The following ABCC6 variants were observed in gnomAD, a reference collection of about 807,000 sequenced individuals.
ABCC6 encodes ATP-binding cassette sub-family C member 6.
In ABCC6, 126 loss-of-function variants were observed where a neutral mutation model predicts 169.5. That is an observed-to-expected ratio of 0.74 (90% CI 0.64 to 0.86). The LOEUF (loss-of-function observed/expected upper bound fraction) is 0.86. ABCC6 is among the 40% of genes least tolerant of loss of function. The pLI, the probability that ABCC6 is intolerant of heterozygous loss-of-function variation, is 0.00. For synonymous variants in ABCC6, 752 were observed against 814.7 expected, an observed-to-expected ratio of 0.92 and a Z score of 1.31; for missense variants, 1,733 against 1,927.2, an observed-to-expected ratio of 0.90 and a Z score of 1.89.
Position 16,182,884 on chromosome 16 carries a change from G to A in ABCC6, c.1990C>T (p.Pro664Ser), listed in dbSNP as rs59002125. Residue 664 changes from proline to serine, a missense_variant, in exon 16 of 31, where the codon CCA becomes TCA. Coordinates refer to ENST00000205557, the MANE Select transcript of ABCC6 (RefSeq NM_001171.6). ...PQGCLLAVVGPVGAGKSSLLS... is the reference protein window; with the variant it reads ...PQGCLLAVVGSVGAGKSSLLS... ...AGGGAGGACTTCCCTGCCCCCACTG[G>A]ACCGACAACAGCCAGCAGACAGCCC... is the stretch of plus-strand genomic sequence containing the variant. The A allele has an allele frequency of 2.1e-4, 333 of 1,613,976 alleles. No homozygotes were observed. The East Asian group carries it at 3.0e-3, about 14-fold the overall frequency.
In ABCC6 at chr16:16,192,922, G is replaced by A. The variant is rs751934523; in HGVS notation, c.1339C>T (p.Leu447Phe). ...GCAGTGAGGGCGGAGGGCCCCAGGAGCTGGGGATAGAAGGGGCAGGATGTC... is the reference window on the plus strand; with the variant it reads ...GCAGTGAGGGCGGAGGGCCCCAGGAACTGGGGATAGAAGGGGCAGGATGTC... ...IVVCFVYLWQ[L>F]LGPSALTAIA... The change falls in exon 11 of 31, where the codon CTC (leucine) becomes TTC (phenylalanine). Residue 447 changes from leucine to phenylalanine, a missense_variant and splice_region_variant. This residue lies in a region of ABCC6 where 1,601 missense variants were observed against 1,635.5 expected (regional missense o/e 0.98). Coordinates refer to ENST00000205557, the MANE Select transcript of ABCC6 (RefSeq NM_001171.6). 1.2e-6 allele frequency: 2 copies of A among 1,613,832 alleles called. No homozygotes were observed. The highest frequency in any genetic ancestry group is 1.7e-5 in the Admixed American group (1 of 60,020).
intron 7 of ABCC6, among the ~76,000 whole-genome samples, chr16:16,205,176 C>G (rs1365992247): frequency 3.3e-5 from 5 of 152,058 alleles, no homozygotes; most frequent in Non-Finnish European, 7.3e-5. Context: ...ATCTGTGACC[C>G]GGGGCCACGT....
intron 13 of ABCC6, among the ~76,000 whole-genome samples, chr16:16,187,925 A>C (rs2047705676): frequency 6.7e-6 from 1 of 149,564 alleles, no homozygotes; most frequent in Admixed American, 6.7e-5. Flanking sequence ...ATAAATAAAT[A>C]AATAAATAAA....
intron 14 of ABCC6, among the ~76,000 whole-genome samples, chr16:16,185,938 T>G (rs192383789): frequency 3.3e-5 from 5 of 152,318 alleles, no homozygotes; most frequent in Admixed American, 3.3e-4. Flanking sequence ...CCCAGATCAA[T>G]TAAATTCATC....
At chr16:16,161,604 A>G in intron 24 of ABCC6, 40 bp from the exon 25 acceptor site, 1 of 1,612,330 alleles carries the variant, frequency 6.2e-7, no homozygotes, top group South Asian at 1.1e-5. Flanking sequence ...GGTTACTCTC[A>G]TCTGCAGGGA....
chr16:16,150,578 C>A lies in ABCC6; in HGVS notation c.4403G>T (p.Arg1468Leu), dbSNP rs761098006. 1 of 1,607,668 alleles carries A rather than the reference C, an allele frequency of 6.2e-7. No homozygotes were observed. Among genetic ancestry groups the A allele is most frequent in the Non-Finnish European group, 8.5e-7 (1 of 1,175,680 alleles). ...HRLRSVMDCA[R>L]VLVMDKGQVA... is the part of the protein sequence containing the mutation. Reference sequence around the variant, plus strand: ...GGTCAGGCCGGGGCGGGAGCCTTACCGGGCACAGTCCATCACGGAGCGCAG... The same window carrying A: ...GGTCAGGCCGGGGCGGGAGCCTTACAGGGCACAGTCCATCACGGAGCGCAG... Residue 1468 changes from arginine to leucine, a missense_variant and splice_region_variant, in exon 30 of 31, where the codon CGG becomes CTG. Transcript: ENST00000205557.
intron 10 of ABCC6, among the ~76,000 whole-genome samples, chr16:16,196,337 A>C (rs903257039): frequency 5.3e-5 from 8 of 152,214 alleles, no homozygotes; most frequent in African/African-American, 1.4e-4. Flanking sequence ...AGTATGGTCT[A>C]CAGCCACTTC....
intron 15 of ABCC6, 89 bp downstream of exon 15, chr16:16,184,870 A>G: frequency 7.1e-7 from 1 of 1,415,750 alleles, no homozygotes; most frequent in Non-Finnish European, 1.0e-6. Flanking sequence ...CTGGAAACCT[A>G]CACCACCTCT....
At position 16,169,696 on chromosome 16, in the gene ABCC6, G is replaced by A. The variant is rs757861271; in HGVS notation, c.2945C>T (p.Thr982Met). The change falls in exon 22 of 31, where the codon ACG becomes ATG. Residue 982 changes from threonine (T) to methionine (M), a missense_variant. Thr to Met is a moderately conservative substitution (Grantham distance 81). This residue lies in a region of ABCC6 where 1,601 missense variants were observed against 1,635.5 expected (regional missense o/e 0.98). Coordinates refer to ENST00000205557, the MANE Select transcript of ABCC6 (RefSeq NM_001171.6). Reference sequence around the variant, plus strand: ...GATCCCGCCACGCAGGGCTGCCTGCGTCTGCTGCCCACCTACTGCAGGGTC... The same window carrying A: ...GATCCCGCCACGCAGGGCTGCCTGCATCTGCTGCCCACCTACTGCAGGGTC... Reference protein sequence around the residue: ...ADDPAVGGQQTQAALRGGIFG... With the variant: ...ADDPAVGGQQMQAALRGGIFG... The A allele has an allele frequency of 8.7e-6, 14 of 1,611,410 alleles. No homozygotes were observed. The highest frequency in any genetic ancestry group is 2.7e-5 in the African/African-American group (2 of 74,882).
chr16:16,196,350 C>T (rs550368118), intron 10 of ABCC6, among the ~76,000 whole-genome samples: 1 of 152,322 alleles, frequency 6.6e-6, no homozygotes, highest in South Asian at 2.1e-4. Context: ...GCCACTTCTG[C>T]ACTCCAAGGG....
In ABCC6 at chr16:16,165,876, C is replaced by G; in HGVS notation, c.3053G>C (p.Arg1018Thr). 1 of 1,613,230 alleles carries G rather than the reference C, an allele frequency of 6.2e-7. No homozygotes were observed. The highest frequency in any genetic ancestry group is 8.5e-7 in the Non-Finnish European group (1 of 1,180,012). Reference sequence around the variant, plus strand: ...CCACAGGAGCCTCTGGAAGAGCAACCTGGATGCCCGGGCCCCACCTAGGAG... The same window carrying G: ...CCACAGGAGCCTCTGGAAGAGCAACGTGGATGCCCGGGCCCCACCTAGGAG... ...AVLLGGARAS[R>T]LLFQRLLWDV... Residue 1018 changes from arginine (R) to threonine (T), a missense_variant, in exon 23 of 31, where the codon AGG (arginine) becomes ACG (threonine). Transcript: ENST00000205557.
At chr16:16,181,483 C>T (rs1465799686) in intron 17 of ABCC6, among the ~76,000 whole-genome samples, 1 of 151,992 alleles carries the variant, frequency 6.6e-6, no homozygotes, top group African/African-American at 2.4e-5. Context: ...AGGGATGAGC[C>T]CTGGGGACTC....
chr16:16,209,382 C>A (rs1161335814), intron 6 of ABCC6, among the ~76,000 whole-genome samples: 1 of 152,074 alleles, frequency 6.6e-6, no homozygotes, highest in Non-Finnish European at 1.5e-5. Context: ...CCACACCCAG[C>A]CTGTAAATTG....
chr16:16,161,045 CAG>C (rs2046700369), intron 25 of ABCC6, among the ~76,000 whole-genome samples: 1 of 152,124 alleles, frequency 6.6e-6, no homozygotes, highest in Non-Finnish European at 1.5e-5. Flanking sequence ...GCAGAGTTCT[CAG>C]TGAGCCGAGA....
Position 16,190,484 on chromosome 16 carries a change from T to C in ABCC6, c.1432-117A>G, listed in dbSNP as rs995039277. Reference sequence around the variant, plus strand: ...ATCTCACCAAACTGCGTCCCAAACCTGTCTGCCTCTCAGCACCTCTGACCC... The same window carrying C: ...ATCTCACCAAACTGCGTCCCAAACCCGTCTGCCTCTCAGCACCTCTGACCC... On this transcript the variant is annotated intron_variant, in intron 11 of 30. Coordinates refer to ENST00000205557, the MANE Select transcript of ABCC6 (RefSeq NM_001171.6). 1.9e-5 allele frequency: 22 copies of C among 1,128,694 alleles called. No homozygotes were observed. In the Admixed American group the frequency reaches 3.9e-4, roughly 20 times the overall value. The allele number at this position is 1,128,694 out of a possible 1,614,324, so 69.9% of individuals were successfully genotyped here.
rs202000035 is a variant in ABCC6, at chr16:16,163,010, C to T, written c.3489G>A (p.Pro1163=). Residue 1163 remains proline (P), a synonymous_variant, in exon 24 of 31, where the codon CCG becomes CCA. Coordinates refer to ENST00000205557, the MANE Select transcript of ABCC6 (RefSeq NM_001171.6). ...RVDESQRISF[P]RLVADRWLAA... ...CTTCCTACCTGTCAGCCACCAGTCG[C>T]GGGAAACTGATCCTCTGGCTTTCAT... 69 of 1,614,086 alleles carry T rather than the reference C, an allele frequency of 4.3e-5. No homozygotes were observed. The highest frequency in any genetic ancestry group is 2.0e-4 in the South Asian group (18 of 91,080).
At chr16:16,170,298 C>G (rs2047019188) in intron 21 of ABCC6, among the ~76,000 whole-genome samples, 1 of 152,196 alleles carries the variant, frequency 6.6e-6, no homozygotes, top group African/African-American at 2.4e-5. Flanking sequence ...TGGAATCTCG[C>G]TGTGTTGCCC....
chr16:16,190,373 A>T lies in ABCC6; in HGVS notation c.1432-6T>A. On this transcript the variant is annotated splice_region_variant and splice_polypyrimidine_tract_variant and intron_variant, in intron 11 of 30. Coordinates refer to ENST00000205557, the MANE Select transcript of ABCC6 (RefSeq NM_001171.6). ...TTCTGCCTCATTTGCTCCTCCTGGG[A>T]TCGGAGGGAAAAAGAGAGATGAAGA... 6.2e-7 allele frequency: 1 copy of T among 1,613,950 alleles called. No individual in the cohort carries two copies. The highest frequency in any genetic ancestry group is 8.5e-7 in the Non-Finnish European group (1 of 1,179,974).
At chr16:16,157,009 T>A (rs1289164217) in intron 27 of ABCC6, among the ~76,000 whole-genome samples, 1 of 150,798 alleles carries the variant, frequency 6.6e-6, no homozygotes, top group African/African-American at 2.4e-5. Flanking sequence ...TCCACTGCTT[T>A]TTAGGGGACA....
Sources: allele counts gnomAD v4.1 joint callset (sites outside exome capture counted in the v4.1 genomes callset), GRCh38; gene constraint gnomAD v4.1.1; regional missense constraint gnomAD v4.1.1; transcripts MANE v1.5; gene names NCBI Gene and HGNC (gene_info 2026-07-23, HGNC 2026-07-21).